Variants in CDK14 observed in about 807,000 individuals in gnomAD.
CDK14 encodes the protein cyclin dependent kinase 14.
CDK14 carries 34 observed loss-of-function variants against 60.7 expected under a neutral mutation model. The ratio of observed to expected loss-of-function variants is 0.56; its 90% CI spans 0.43 to 0.75. The LOEUF is 0.75. CDK14 is among the 30% of genes least tolerant of loss of function. The pLI is 0.00. For missense variants in CDK14, 482 were observed against 564.1 expected, an observed-to-expected ratio of 0.85 and a Z score of 1.47; for synonymous variants, 197 against 203.7, an observed-to-expected ratio of 0.97 and a Z score of 0.28.
intron 10 of CDK14, among the ~76,000 whole-genome samples, chr7:90,998,112 T>TGAAATG (rs1394965625): frequency 3.3e-5 from 5 of 152,236 alleles, no homozygotes; most frequent in African/African-American, 1.2e-4. Context: ...TACCATCATG[T>TGAAATG]CAAATTAGAT....
intron 12 of CDK14, among the ~76,000 whole-genome samples, chr7:91,094,994 G>A (rs1218101252): frequency 6.6e-6 from 1 of 152,154 alleles, no homozygotes; most frequent in Non-Finnish European, 1.5e-5. Flanking sequence ...CCATAAAGAT[G>A]TCATGGAACA....
chr7:90,622,821 C>T (rs1184639497), intron 2 of CDK14, among the ~76,000 whole-genome samples: 1 of 151,654 alleles, frequency 6.6e-6, no homozygotes, highest in Non-Finnish European at 1.5e-5. Flanking sequence ...TAAGGAAATT[C>T]TTTCTTTACT....
intron 12 of CDK14, among the ~76,000 whole-genome samples, chr7:91,084,427 T>C (rs1798572248): frequency 1.3e-5 from 2 of 152,142 alleles, no homozygotes; most frequent in South Asian, 4.1e-4. Context: ...CACTGCTGGG[T>C]AATGCACCAT....
intron 2 of CDK14, among the ~76,000 whole-genome samples, chr7:90,628,337 C>A (rs10230611): frequency 0.3 from 45,281 of 152,018 alleles, 7,561 homozygotes; most frequent in East Asian, 0.67. Flanking sequence ...AGCTTGCCTG[C>A]TTTCTGTTTC....
At chr7:90,819,380 A>G (rs747261011) in intron 5 of CDK14, among the ~76,000 whole-genome samples, 12 of 152,180 alleles carry the variant, frequency 7.9e-5, no homozygotes, top group Non-Finnish European at 1.6e-4. Flanking sequence ...CTTTCTGTTT[A>G]CATGCACATA....
chr7:90,819,129 CT>C (rs1187743271), intron 5 of CDK14, among the ~76,000 whole-genome samples: 2 of 152,056 alleles, frequency 1.3e-5, no homozygotes, highest in Non-Finnish European at 2.9e-5. Flanking sequence ...TTACTGGAAA[CT>C]TCATGTGTCA....
At chr7:90,602,557 A>C (rs550407538) in intron 1 of CDK14, among the ~76,000 whole-genome samples, 1 of 152,244 alleles carries the variant, frequency 6.6e-6, no homozygotes, top group Non-Finnish European at 1.5e-5. Flanking sequence ...CTTGTAGCCT[A>C]GAAGTTAAAT....
chr7:91,206,174 G>T (rs543479570), intron 14 of CDK14, among the ~76,000 whole-genome samples: 1 of 152,320 alleles, frequency 6.6e-6, no homozygotes, highest in African/African-American at 2.4e-5. Flanking sequence ...CTATGCAGGG[G>T]TGATGTCCTT....
intron 14 of CDK14, among the ~76,000 whole-genome samples, chr7:91,170,725 C>CA (rs1466715219): frequency 1.1e-4 from 16 of 146,594 alleles, no homozygotes. Context: ...TTAACTTTTA[C>CA]AAAAAACTCG....
intron 11 of CDK14, 78 bp downstream of exon 11, chr7:91,046,038 A>C: frequency 1.1e-6 from 1 of 916,726 alleles, no homozygotes. Flanking sequence ...CTCTCAAGCA[A>C]TATACCACCT....
chr7:91,150,092 A>AG (rs1468748193), intron 14 of CDK14, among the ~76,000 whole-genome samples: 8 of 152,316 alleles, frequency 5.3e-5, no homozygotes, highest in Admixed American at 2.0e-4. Context: ...GGTAAGGGAT[A>AG]GATCTAGGCA....
chr7:91,145,091 TAAAAAC>T (rs976820055), intron 14 of CDK14, among the ~76,000 whole-genome samples: 4 of 152,140 alleles, frequency 2.6e-5, no homozygotes, highest in Non-Finnish European at 5.9e-5. Context: ...CAACTACTCT[TAAAAAC>T]AAAAAGAATT....
intron 2 of CDK14, among the ~76,000 whole-genome samples, chr7:90,652,728 T>A (rs1232976754): frequency 6.6e-6 from 1 of 152,210 alleles, no homozygotes; most frequent in Non-Finnish European, 1.5e-5. Flanking sequence ...ATTCTTACAA[T>A]TCTGAAATAG....
chr7:91,152,304 A>G (rs1304401689), intron 14 of CDK14, among the ~76,000 whole-genome samples: 1 of 152,220 alleles, frequency 6.6e-6, no homozygotes, highest in East Asian at 1.9e-4. Flanking sequence ...TTTCATTACT[A>G]AATCATATAA....
chr7:90,945,171 A>G (rs1194521681), intron 8 of CDK14, among the ~76,000 whole-genome samples: 1 of 152,214 alleles, frequency 6.6e-6, no homozygotes, highest in Non-Finnish European at 1.5e-5. Flanking sequence ...CAGAGGATCT[A>G]TTAAGATTTT....
intron 9 of CDK14, among the ~76,000 whole-genome samples, chr7:90,976,118 G>C (rs1193083911): frequency 6.6e-6 from 1 of 152,016 alleles, no homozygotes; most frequent in East Asian, 1.9e-4. Flanking sequence ...CCTCCATACT[G>C]TTCTCCATAG....
chr7:90,764,449 T>A (rs1482178855), intron 4 of CDK14, among the ~76,000 whole-genome samples: 1 of 152,192 alleles, frequency 6.6e-6, no homozygotes, highest in Non-Finnish European at 1.5e-5. Context: ...TTTAGTCAAA[T>A]GCTCCCAGTC....
intron 10 of CDK14, among the ~76,000 whole-genome samples, chr7:90,999,999 T>TAG (rs1174126819): frequency 6.6e-6 from 1 of 152,230 alleles, no homozygotes; most frequent in Non-Finnish European, 1.5e-5. Flanking sequence ...TCGTCTTCTC[T>TAG]AGAGATGTAT....
At position 90,649,346 on chromosome 7, in the gene CDK14, TTCCTTCCTTCCTTCCTTCCTTTCC is replaced by T. The variant is rs1263087089; in HGVS notation, c.123+45099_123+45122del. On this transcript the variant is annotated intron_variant, in intron 2 of 14. Transcript: ENST00000380050. ...CTTCCTTCCTTCCTTCCTTCCTTCCTTCCTTCCTTCCTTCCTTCCTTTCCTTCCTTCCTTCCTTCCTTCCTTCCT... is the reference window on the plus strand; with the variant it reads ...CTTCCTTCCTTCCTTCCTTCCTTCCTTTCCTTCCTTCCTTCCTTCCTTCCT... Among the ~76,000 whole-genome samples the T allele has an allele frequency of 2.0e-3, 99 of 49,312 alleles. 5 individuals carry two copies. Among genetic ancestry groups the T allele is most frequent in the African/African-American group, 0.011 (92 of 8,230 alleles). The allele number at this position is 49,312 out of a possible 152,430, so 32.4% of individuals were successfully genotyped here. A position where few individuals can be genotyped will look rare whatever the true frequency, so the allele number is the denominator to read the frequency against.
Sources: gnomAD v4.1 joint callset for allele counts (sites outside exome capture counted in the v4.1 genomes callset) on GRCh38, gnomAD v4.1.1 for gene constraint, MANE v1.5 for transcripts, NCBI Gene and HGNC (gene_info 2026-07-23, HGNC 2026-07-21) for gene names.